Variants in PRH2 observed in about 807,000 individuals in gnomAD.
The protein encoded by PRH2 is proline rich protein HaeIII subfamily 2, also known as salivary acidic proline-rich phosphoprotein 1/2.
Under a neutral mutation model 22.6 loss-of-function variants are expected in PRH2, and 19 were observed. That is an observed-to-expected ratio of 0.84 (90% CI 0.59 to 1.23). The LOEUF (loss-of-function observed/expected upper bound fraction) is 1.23, where lower values mean the gene tolerates loss of function less well. Ranked by LOEUF, PRH2 falls within the 50% of genes most tolerant of loss-of-function variation. PRH2 has a pLI of 0.00. For missense variants in PRH2, 109 were observed against 203.0 expected, an observed-to-expected ratio of 0.54 and a Z score of 2.81; for synonymous variants, 45 against 72.0, an observed-to-expected ratio of 0.63 and a Z score of 1.90.
At chr12:10,930,073 G>A (rs938070946) in intron 1 of PRH2, among the ~76,000 whole-genome samples, 196 bp from the exon 2 acceptor site, 1 of 152,142 alleles carries the variant, frequency 6.6e-6, no homozygotes, top group African/African-American at 2.4e-5. Flanking sequence ...TTGAGTTCCT[G>A]GTTGACGCTC....
chr12:10,934,407 T>C lies in PRH2; in HGVS notation c.*2200T>C, dbSNP rs1299952076. On this transcript the variant is annotated 3_prime_UTR_variant, in exon 4 of 4. Transcript: ENST00000396400. ...AGATCTCTTTCACATCTTGACCCAG[T>C]CAATTCCGTTCACCAGTGTTATGAA... Among the ~76,000 whole-genome samples the C allele has an allele frequency of 6.6e-6, 1 of 152,144 alleles. No homozygotes were observed. The highest frequency in any genetic ancestry group is 1.5e-5 in the Non-Finnish European group (1 of 68,000).
chr12:10,931,508 T>C (rs1162373688), intron 3 of PRH2, among the ~76,000 whole-genome samples: 1 of 152,212 alleles, frequency 6.6e-6, no homozygotes, highest in Non-Finnish European at 1.5e-5. Flanking sequence ...TGTTAAATGG[T>C]ATCTCATTTT....
At position 10,934,361 on chromosome 12, in the gene PRH2, G is replaced by A. The variant is rs1230335613; in HGVS notation, c.*2154G>A. On this transcript the variant is annotated 3_prime_UTR_variant, in exon 4 of 4. Coordinates refer to ENST00000396400, the MANE Select transcript of PRH2 (RefSeq NM_001110213.1). The stretch of plus-strand genomic sequence containing the variant: ...CGAAATCAGACAAATTCTGGAGATA[G>A]TCAAAGCTGTGAGGATTCGAAGATC... Among the ~76,000 whole-genome samples, 3 of 152,246 alleles carry A rather than the reference G, an allele frequency of 2.0e-5. No homozygotes were observed. The highest frequency in any genetic ancestry group is 2.0e-4 in the Admixed American group (3 of 15,284).
intron 1 of PRH2, among the ~76,000 whole-genome samples, 161 bp from the exon 2 acceptor site, chr12:10,930,108 C>T (rs897374816): frequency 6.6e-6 from 1 of 152,114 alleles, no homozygotes; most frequent in Non-Finnish European, 1.5e-5. Flanking sequence ...CCTGCTTTCC[C>T]TTACATCTTC....
chr12:10,931,286 C>T, intron 3 of PRH2: 2 of 1,092,354 alleles, frequency 1.8e-6, no homozygotes, highest in Middle Eastern at 3.1e-4. Context: ...TTGAGAATCA[C>T]TATCTTCAAA....
rs1400259060 is a variant in PRH2 at position 10,934,814 on chromosome 12, T to C, written c.*2607T>C. On this transcript the variant is annotated 3_prime_UTR_variant, in exon 4 of 4. Transcript: ENST00000396400. ...ATGAAAGAAAAAACTGAATTCTCATTGTTAATAAACAAATAAAGACAATTC... is the reference window on the plus strand; with the variant it reads ...ATGAAAGAAAAAACTGAATTCTCATCGTTAATAAACAAATAAAGACAATTC... Among the ~76,000 whole-genome samples the C allele has an allele frequency of 6.6e-6, 1 of 152,190 alleles. No individual in the cohort carries two copies. Among genetic ancestry groups the C allele is most frequent in the Non-Finnish European group, 1.5e-5 (1 of 68,004 alleles).
rs984523805 is a variant in PRH2 at position 10,932,610 on chromosome 12, T to C, written c.*403T>C. Among the ~76,000 whole-genome samples the C allele has an allele frequency of 6.6e-6, 1 of 152,196 alleles. No homozygotes were observed. The highest frequency in any genetic ancestry group is 2.4e-5 in the African/African-American group (1 of 41,440). ...ACCAATGAAAGAAAGTCCCAGAAGC[T>C]GAGAGAAACTTTAACAAGTTTGAGA... On this transcript the variant is annotated 3_prime_UTR_variant, in exon 4 of 4. Coordinates refer to ENST00000396400, the MANE Select transcript of PRH2 (RefSeq NM_001110213.1).
At position 10,934,620 on chromosome 12, in the gene PRH2, T is replaced by TA. The variant is rs61543378; in HGVS notation, c.*2423dup. 1.1e-4 allele frequency among the ~76,000 whole-genome samples: 16 copies of TA among 149,834 alleles called. No individual in the cohort carries two copies. The highest frequency in any genetic ancestry group is 1.3e-4 in the Admixed American group (2 of 14,990). On this transcript the variant is annotated 3_prime_UTR_variant, in exon 4 of 4. Transcript: ENST00000396400. ...TGGATGTGCAGTTAATTTCTTCCTTTAAAAAAAAAACTATAGGCTCAATAT... is the reference window on the plus strand; with the variant it reads ...TGGATGTGCAGTTAATTTCTTCCTTTAAAAAAAAAAACTATAGGCTCAATAT...
intron 3 of PRH2, among the ~76,000 whole-genome samples, chr12:10,931,587 A>T (rs1322727080): frequency 6.6e-6 from 1 of 152,182 alleles, no homozygotes; most frequent in Non-Finnish European, 1.5e-5. Flanking sequence ...CTGAATAGAC[A>T]TGTACCAAGC....
rs539535017 is a variant in PRH2 at position 10,931,985 on chromosome 12, C to T, written c.*19-241C>T. On this transcript the variant is annotated intron_variant, in intron 3 of 3. Coordinates refer to ENST00000396400, the MANE Select transcript of PRH2 (RefSeq NM_001110213.1). ...TAACCCTTAACGTATCCAACAGCCA[C>T]AAAGCATGAACAACCTAACAATAAT... Among the ~76,000 whole-genome samples the T allele has an allele frequency of 2.0e-5, 3 of 152,288 alleles. No individual in the cohort carries two copies. The East Asian group carries it at 5.8e-4, about 29-fold the overall frequency.
intron 3 of PRH2, 123 bp downstream of exon 3, chr12:10,931,203 G>A (rs1198180355): frequency 1.3e-6 from 2 of 1,521,260 alleles, no homozygotes; most frequent in African/African-American, 2.8e-5. Context: ...TTTCTCATGA[G>A]TTTTGTTCAA....
chr12:10,929,652 G>T (rs183606295), intron 1 of PRH2, among the ~76,000 whole-genome samples: 1 of 152,314 alleles, frequency 6.6e-6, no homozygotes, highest in East Asian at 1.9e-4. Flanking sequence ...CAGCTGTGAA[G>T]ATCCTATACT....
rs977991080 is a variant in PRH2 at position 10,933,382 on chromosome 12, T to G, written c.*1175T>G. On this transcript the variant is annotated 3_prime_UTR_variant, in exon 4 of 4. Coordinates refer to ENST00000396400, the MANE Select transcript of PRH2 (RefSeq NM_001110213.1). ...CTCATTAACAGGCAGTCCTTTAGTA[T>G]GCTGATTTATACAAAATGCTGAAAA... Among the ~76,000 whole-genome samples, 1 of 152,102 alleles carries G rather than the reference T, an allele frequency of 6.6e-6. No homozygotes were observed. The highest frequency in any genetic ancestry group is 2.4e-5 in the African/African-American group (1 of 41,452).
intron 1 of PRH2, 59 bp downstream of exon 1, chr12:10,929,396 T>C (rs2135863482): frequency 1.2e-6 from 2 of 1,601,342 alleles, no homozygotes; most frequent in Non-Finnish European, 1.7e-6. Context: ...GCGAATGCTA[T>C]AGAGGGGGAA....
chr12:10,930,398 A>G (rs1950187772), intron 2 of PRH2, 94 bp downstream of exon 2: 11 of 1,527,354 alleles, frequency 7.2e-6, no homozygotes, highest in Middle Eastern at 1.7e-4. Context: ...CTTGTCAGGA[A>G]TTGGCTAATA....
At position 10,934,243 on chromosome 12, in the gene PRH2, C is replaced by T. The variant is rs2135875715; in HGVS notation, c.*2036C>T. 6.6e-6 allele frequency among the ~76,000 whole-genome samples: 1 copy of T among 152,222 alleles called. No individual in the cohort carries two copies. The highest frequency in any genetic ancestry group is 2.1e-4 in the South Asian group (1 of 4,830). On this transcript the variant is annotated 3_prime_UTR_variant, in exon 4 of 4. Coordinates refer to ENST00000396400, the MANE Select transcript of PRH2 (RefSeq NM_001110213.1). ...GATGGGTTCCCCCTAGTGATGTATT[C>T]TCTTCACCACAAGAGTTTGCAGCTC...
rs1950170695 is a variant in PRH2, at chr12:10,929,442, G to A, written c.64+105G>A. The A allele has an allele frequency of 3.6e-6, 5 of 1,381,574 alleles. No homozygotes were observed. The African/African-American group carries it at 5.7e-5, about 16-fold the overall frequency. The allele number at this position is 1,381,574 out of a possible 1,614,324, so 85.6% of individuals were successfully genotyped here. A position where few individuals can be genotyped will look rare whatever the true frequency, so the allele number is the denominator to read the frequency against. ...AGAGAGGAGGATGAGAAAACAGATAGGACTGAAGAGTTCTCATGCCAAGGA... is the reference window on the plus strand; with the variant it reads ...AGAGAGGAGGATGAGAAAACAGATAAGACTGAAGAGTTCTCATGCCAAGGA... On this transcript the variant is annotated intron_variant, in intron 1 of 3. Transcript: ENST00000396400.
chr12:10,930,496 G>A (rs867324938), intron 2 of PRH2, among the ~76,000 whole-genome samples, 166 bp from the exon 3 acceptor site: 1 of 152,174 alleles, frequency 6.6e-6, no homozygotes, highest in Non-Finnish European at 1.5e-5. Context: ...CCACCCTAAT[G>A]TGGATTAAGA....
rs1274550168 is a variant in PRH2 at position 10,934,247 on chromosome 12, TCAC to T, written c.*2044_*2046del. On this transcript the variant is annotated 3_prime_UTR_variant, in exon 4 of 4. Transcript: ENST00000396400. ...GGTTCCCCCTAGTGATGTATTCTCTTCACCACAAGAGTTTGCAGCTCTGGCTTT... is the reference window on the plus strand; with the variant it reads ...GGTTCCCCCTAGTGATGTATTCTCTTCACAAGAGTTTGCAGCTCTGGCTTT... Among the ~76,000 whole-genome samples the T allele has an allele frequency of 6.6e-6, 1 of 152,160 alleles. No homozygotes were observed. Among genetic ancestry groups the T allele is most frequent in the Non-Finnish European group, 1.5e-5 (1 of 67,992 alleles).
Sources: gnomAD v4.1 joint callset for allele counts (sites outside exome capture counted in the v4.1 genomes callset) on GRCh38, gnomAD v4.1.1 for gene constraint, MANE v1.5 for transcripts, NCBI Gene and HGNC (gene_info 2026-07-23, HGNC 2026-07-21) for gene names.